The following PLEKHA2 variants were observed in gnomAD, a reference collection of about 807,000 sequenced individuals.
PLEKHA2 encodes the protein pleckstrin homology domain containing A2, also known as pleckstrin homology domain-containing family A member 2.
A neutral mutation model predicts 53.2 loss-of-function variants in PLEKHA2; 28 were observed. The observed-to-expected ratio is 0.53, with a 90% CI of 0.39 to 0.72. The LOEUF is 0.72. Among genes scored for constraint, PLEKHA2 ranks in the 30% least tolerant of loss-of-function variants. The probability of loss-of-function intolerance (pLI) is 0.00; values close to 1 mark genes in which losing one functional copy is unlikely to be tolerated. For synonymous variants in PLEKHA2, 193 were observed against 196.4 expected, an observed-to-expected ratio of 0.98 and a Z score of 0.14; for missense variants, 426 against 537.9, an observed-to-expected ratio of 0.79 and a Z score of 2.06.
Position 38,901,397 on chromosome 8 carries a change from C to T in PLEKHA2, c.-72C>T, listed in dbSNP as rs1488686617. On this transcript the variant is annotated 5_prime_UTR_variant, in exon 1 of 12. Transcript: ENST00000617275. ...GGACCCGGCGGCCGGAGGGGCGACC[C>T]CGCCCGATGTAACGCGCCCCGCCCG... is the stretch of plus-strand genomic sequence containing the variant. The T allele has an allele frequency of 1.3e-5, 2 of 150,696 alleles. No individual in the cohort carries two copies. The highest frequency in any genetic ancestry group is 2.9e-5 in the Non-Finnish European group (2 of 67,848). 9.3% of individuals were successfully genotyped at this position (150,696 alleles called of 1,614,324 possible). A position where few individuals can be genotyped will look rare whatever the true frequency, so the allele number is the denominator to read the frequency against.
intron 10 of PLEKHA2, among the ~76,000 whole-genome samples, chr8:38,963,399 A>G (rs574660394): frequency 6.6e-6 from 1 of 152,182 alleles, no homozygotes; most frequent in Non-Finnish European, 1.5e-5. Flanking sequence ...CTTCAGCTAT[A>G]TATATTTTTT....
At chr8:38,910,597 A>G (rs939921092) in intron 1 of PLEKHA2, among the ~76,000 whole-genome samples, 1 of 152,250 alleles carries the variant, frequency 6.6e-6, no homozygotes, top group Non-Finnish European at 1.5e-5. Flanking sequence ...GCTGGTTGCA[A>G]CATAGATAAC....
At chr8:38,923,544 C>T (rs1160157343) in intron 2 of PLEKHA2, among the ~76,000 whole-genome samples, 1 of 152,170 alleles carries the variant, frequency 6.6e-6, no homozygotes, top group African/African-American at 2.4e-5. Context: ...CCTTTCATTT[C>T]CTGAGAATAG....
chr8:38,935,317 T>G (rs1054102883), intron 2 of PLEKHA2, among the ~76,000 whole-genome samples: 2 of 152,074 alleles, frequency 1.3e-5, no homozygotes, highest in African/African-American at 4.8e-5. Flanking sequence ...CCTTCTTAAA[T>G]GTATTAACTC....
At chr8:38,946,064 G>GTTGTT in intron 4 of PLEKHA2, 60 bp from the exon 5 acceptor site, 2 of 1,356,536 alleles carry the variant, frequency 1.5e-6, no homozygotes, top group South Asian at 2.5e-5. Flanking sequence ...GTGGAGACTT[G>GTTGTT]TTGTATTGCT....
chr8:38,926,067 T>C (rs1162187765), intron 2 of PLEKHA2, among the ~76,000 whole-genome samples: 1 of 152,260 alleles, frequency 6.6e-6, no homozygotes, highest in Non-Finnish European at 1.5e-5. Context: ...CAGTTTCTTG[T>C]GTCTGTCTGG....
In PLEKHA2 at chr8:38,961,334, C is replaced by T. The variant is rs560884394; in HGVS notation, c.837+3948C>T. Among the ~76,000 whole-genome samples, 4 of 152,076 alleles carry T rather than the reference C, an allele frequency of 2.6e-5. No individual in the cohort carries two copies. The East Asian group carries it at 7.7e-4, about 29-fold the overall frequency. On this transcript the variant is annotated intron_variant, in intron 10 of 11. Coordinates refer to ENST00000617275, the MANE Select transcript of PLEKHA2 (RefSeq NM_021623.2). Reference sequence around the variant, plus strand: ...AGTGGATCATCTGAGGTCAGGAGTTCGAGGTCAGCCTGGCCAACATAGTGA... The same window carrying T: ...AGTGGATCATCTGAGGTCAGGAGTTTGAGGTCAGCCTGGCCAACATAGTGA...
rs780551413 is a variant in PLEKHA2, at chr8:38,969,549, C to G, written c.1044C>G (p.Pro348=). The G allele has an allele frequency of 1.9e-6, 3 of 1,612,386 alleles. No homozygotes were observed. The highest frequency in any genetic ancestry group is 2.5e-6 in the Non-Finnish European group (3 of 1,179,144). ...LEEKKALCKA[P]SVASSWQPWT... Reference sequence around the variant, plus strand: ...AAAAGAAAGCCCTCTGCAAAGCCCCCTCTGTGGCCTCCTCCTGGCAGCCCT... The same window carrying G: ...AAAAGAAAGCCCTCTGCAAAGCCCCGTCTGTGGCCTCCTCCTGGCAGCCCT... Residue 348 remains proline, a synonymous_variant, in exon 12 of 12, where the codon CCC becomes CCG. Transcript: ENST00000617275.
chr8:38,931,435 G>A (rs1834391941), intron 2 of PLEKHA2, among the ~76,000 whole-genome samples: 1 of 152,008 alleles, frequency 6.6e-6, no homozygotes. Context: ...CCTCAACTCT[G>A]CCCCTACATT....
intron 3 of PLEKHA2, among the ~76,000 whole-genome samples, chr8:38,940,782 G>A (rs1447455551): frequency 1.3e-5 from 2 of 151,996 alleles, no homozygotes; most frequent in Non-Finnish European, 2.9e-5. Flanking sequence ...CCGAACTTGG[G>A]ATAAGCGGGT....
In PLEKHA2 at chr8:38,918,085, G is replaced by A; in HGVS notation, c.141+15G>A. 1 of 1,609,914 alleles carries A rather than the reference G, an allele frequency of 6.2e-7. No homozygotes were observed. The highest frequency in any genetic ancestry group is 8.5e-7 in the Non-Finnish European group (1 of 1,177,814). On this transcript the variant is annotated intron_variant, in intron 2 of 11. Coordinates refer to ENST00000617275, the MANE Select transcript of PLEKHA2 (RefSeq NM_021623.2). ...ACAACCCCCAGGTGAGAGGGTCAGT[G>A]GGAAGGGGTGGGGCGACTGGGTGCC...
At chr8:38,956,239 C>CATCT in intron 9 of PLEKHA2, among the ~76,000 whole-genome samples, 1 of 152,350 alleles carries the variant, frequency 6.6e-6, no homozygotes, top group Non-Finnish European at 1.5e-5. Flanking sequence ...CACTGAGCAT[C>CATCT]ATCTACTCCC....
chr8:38,902,678 G>A (rs776929425), intron 1 of PLEKHA2, among the ~76,000 whole-genome samples: 30 of 152,070 alleles, frequency 2.0e-4, no homozygotes, highest in Non-Finnish European at 3.5e-4. Flanking sequence ...GAAGCCTTCC[G>A]AAACAGCAAA....
intron 1 of PLEKHA2, among the ~76,000 whole-genome samples, chr8:38,911,244 CTTT>C (rs11368379): frequency 6.7e-6 from 1 of 148,608 alleles, no homozygotes; most frequent in African/African-American, 2.5e-5. Context: ...TGAACACTTT[CTTT>C]TTTTTTTGAG....
chr8:38,901,724 G>C (rs979170562), intron 1 of PLEKHA2: 5 of 152,032 alleles, frequency 3.3e-5, no homozygotes, highest in Non-Finnish European at 7.3e-5. Context: ...GCCAGGGGTC[G>C]GGCTGCGGGG....
At chr8:38,942,783 C>T (rs1834635349) in intron 3 of PLEKHA2, among the ~76,000 whole-genome samples, 1 of 152,152 alleles carries the variant, frequency 6.6e-6, no homozygotes, top group Non-Finnish European at 1.5e-5. Context: ...TGCAGATACT[C>T]AGGAGTGTAC....
chr8:38,901,438 A>AC lies in PLEKHA2; in HGVS notation c.-30dup, dbSNP rs1833782200. 3 of 20,088 alleles carry AC rather than the reference A, an allele frequency of 1.5e-4. No homozygotes were observed. Among genetic ancestry groups the AC allele is most frequent in the South Asian group, 0.048 (2 of 42 alleles). 1.2% of individuals were successfully genotyped at this position (20,088 alleles called of 1,614,324 possible). On this transcript the variant is annotated 5_prime_UTR_variant, in exon 1 of 12. Transcript: ENST00000617275. ...GCCCCGCCCGAGCCCCGGCCCCTGCACGGGGGGGTAAGTTGGGCGCCCTCG... is the reference window on the plus strand; with the variant it reads ...GCCCCGCCCGAGCCCCGGCCCCTGCACCGGGGGGGTAAGTTGGGCGCCCTCG...
chr8:38,951,000 C>G lies in PLEKHA2; in HGVS notation c.486+10C>G. The stretch of plus-strand genomic sequence containing the variant: ...CACACCCATCAGCCAGGTGAGGGGC[C>G]TGACTGGGGCTGCGGGGGGAGTGGG... On this transcript the variant is annotated intron_variant, in intron 6 of 11. Coordinates refer to ENST00000617275, the MANE Select transcript of PLEKHA2 (RefSeq NM_021623.2). The G allele has an allele frequency of 1.3e-6, 2 of 1,549,752 alleles. No homozygotes were observed. The highest frequency in any genetic ancestry group is 2.8e-5 in the African/African-American group (2 of 72,092).
In PLEKHA2 at chr8:38,973,886, G is replaced by C; in HGVS notation, c.*4103G>C. 3.6e-6 allele frequency: 1 copy of C among 275,594 alleles called. No individual in the cohort carries two copies. Among genetic ancestry groups the C allele is most frequent in the Non-Finnish European group, 6.8e-6 (1 of 146,842 alleles). 17.1% of individuals were successfully genotyped at this position (275,594 alleles called of 1,614,324 possible). The stretch of plus-strand genomic sequence containing the variant: ...CTAAAACTGTTTTGTGGCTTGTTTT[G>C]TAATAAAACCATGTGAAATACTGAA... On this transcript the variant is annotated 3_prime_UTR_variant, in exon 12 of 12. Transcript: ENST00000617275.
Sources: allele counts gnomAD v4.1 joint callset (sites outside exome capture counted in the v4.1 genomes callset), GRCh38; gene constraint gnomAD v4.1.1; transcripts MANE v1.5; gene names NCBI Gene and HGNC (gene_info 2026-07-23, HGNC 2026-07-21).